Variants in TXNDC16 observed in about 807,000 individuals in gnomAD.
The protein encoded by TXNDC16 is thioredoxin domain-containing protein 16.
In TXNDC16, 74 loss-of-function variants were observed where a neutral mutation model predicts 85.6. That is an observed-to-expected ratio of 0.86 (90% CI 0.72 to 1.05). The LOEUF is 1.05. Ranked by LOEUF, TXNDC16 falls within the 50% of genes least tolerant of loss-of-function variation. The probability of loss-of-function intolerance (pLI) is 0.00; values close to 1 mark genes in which losing one functional copy is unlikely to be tolerated. For synonymous variants in TXNDC16, 335 were observed against 326.5 expected, an observed-to-expected ratio of 1.03 and a Z score of -0.28; for missense variants, 959 against 947.0, an observed-to-expected ratio of 1.01 and a Z score of -0.17.
At chr14:52,530,351 T>C (rs559255512) in intron 6 of TXNDC16, among the ~76,000 whole-genome samples, 1,031 of 37,150 alleles carry the variant, frequency 0.028, 59 homozygotes, top group African/African-American at 0.047. Context: ...TTATATATTA[T>C]AATATAATAT....
chr14:52,487,123 C>T lies in TXNDC16; in HGVS notation c.1108+1240G>A, dbSNP rs576195864. 3.3e-5 allele frequency among the ~76,000 whole-genome samples: 5 copies of T among 152,266 alleles called. 1 individual carries two copies. In the South Asian group the frequency reaches 6.2e-4, roughly 19 times the overall value. On this transcript the variant is annotated intron_variant, in intron 12 of 20. Transcript: ENST00000281741. ...TAAACTGAGACTAGGGACAAGTCCTCTAACTCTGAAGGTTCAAATATAGGA... is the reference window on the plus strand; with the variant it reads ...TAAACTGAGACTAGGGACAAGTCCTTTAACTCTGAAGGTTCAAATATAGGA...
intron 8 of TXNDC16, among the ~76,000 whole-genome samples, chr14:52,514,482 T>C (rs919562424): frequency 6.6e-6 from 1 of 152,182 alleles, no homozygotes; most frequent in East Asian, 1.9e-4. Flanking sequence ...TCAAAAACTG[T>C]ACCTAAATAC....
At chr14:52,503,731 C>T (rs891951647) in intron 9 of TXNDC16, among the ~76,000 whole-genome samples, 1 of 152,214 alleles carries the variant, frequency 6.6e-6, no homozygotes, top group African/African-American at 2.4e-5. Context: ...CAGAGAATGA[C>T]TTTCATGAGT....
chr14:52,467,209 G>C (rs2035797493), intron 16 of TXNDC16, among the ~76,000 whole-genome samples: 1 of 151,270 alleles, frequency 6.6e-6, no homozygotes, highest in South Asian at 2.1e-4. Context: ...TTAACTATTA[G>C]AAAAAAAATT....
intron 7 of TXNDC16, among the ~76,000 whole-genome samples, chr14:52,515,661 T>C (rs889605915): frequency 4.9e-5 from 7 of 143,802 alleles, no homozygotes; most frequent in Non-Finnish European, 9.0e-5. Flanking sequence ...ACTCTTTATT[T>C]CATACATATG....
rs767406312 is a variant in TXNDC16 at position 52,470,059 on chromosome 14, T to C, written c.1596A>G (p.Leu532=). ...ILYSSVSVLG[L]FSPTMKTAKE... ...TACCTGTTTTCATGGTTGGACTAAATAGTCCCAATACTGACACACTAGAAT... is the reference window on the plus strand; with the variant it reads ...TACCTGTTTTCATGGTTGGACTAAACAGTCCCAATACTGACACACTAGAAT... Residue 532 remains leucine (L), a synonymous_variant, in exon 16 of 21, where the codon CTA becomes CTG. Transcript: ENST00000281741. 220 of 1,610,002 alleles carry C rather than the reference T, an allele frequency of 1.4e-4. No individual in the cohort carries two copies. Among genetic ancestry groups the C allele is most frequent in the Non-Finnish European group, 1.8e-4 (208 of 1,178,560 alleles).
chr14:52,482,559 A>G (rs1194274033), intron 13 of TXNDC16, among the ~76,000 whole-genome samples: 2 of 152,136 alleles, frequency 1.3e-5, no homozygotes, highest in African/African-American at 4.8e-5. Flanking sequence ...ATAACTGTTA[A>G]TATGTTAAAA....
At chr14:52,485,669 G>C (rs2036251931) in intron 12 of TXNDC16, among the ~76,000 whole-genome samples, 1 of 152,028 alleles carries the variant, frequency 6.6e-6, no homozygotes, top group Non-Finnish European at 1.5e-5. Context: ...ATCTACCATT[G>C]TGTTATAGGT....
intron 9 of TXNDC16, among the ~76,000 whole-genome samples, chr14:52,508,656 G>A (rs1426683874): frequency 6.6e-6 from 1 of 152,086 alleles, no homozygotes; most frequent in Non-Finnish European, 1.5e-5. Flanking sequence ...GCAAAGACTT[G>A]GAACCAACCC....
At chr14:52,533,903 C>T (rs1216093347) in intron 6 of TXNDC16, among the ~76,000 whole-genome samples, 3 of 152,098 alleles carry the variant, frequency 2.0e-5, no homozygotes, top group African/African-American at 7.2e-5. Context: ...ATGGAGGTAG[C>T]GGGGCTAGGA....
chr14:52,531,221 G>T (rs1422477874), intron 6 of TXNDC16, among the ~76,000 whole-genome samples: 4 of 152,094 alleles, frequency 2.6e-5, no homozygotes, highest in African/African-American at 9.7e-5. Flanking sequence ...TTGCTGGTGG[G>T]AATGCGAAAT....
At chr14:52,491,816 C>A (rs1280743692) in intron 9 of TXNDC16, among the ~76,000 whole-genome samples, 2 of 152,162 alleles carry the variant, frequency 1.3e-5, no homozygotes, top group Non-Finnish European at 1.5e-5. Context: ...AAGAGATAAA[C>A]ACATGGATGT....
At chr14:52,530,009 ATT>A (rs1363373782) in intron 6 of TXNDC16, among the ~76,000 whole-genome samples, 3 of 104,172 alleles carry the variant, frequency 2.9e-5, no homozygotes, top group African/African-American at 4.0e-5. Flanking sequence ...TATAATATAT[ATT>A]ATATATTATA....
chr14:52,459,896 C>T (rs1002450389), intron 16 of TXNDC16, among the ~76,000 whole-genome samples: 4 of 152,210 alleles, frequency 2.6e-5, no homozygotes, highest in Middle Eastern at 3.4e-3. Flanking sequence ...ATACTAGGTA[C>T]TGAAGAAACA....
intron 20 of TXNDC16, among the ~76,000 whole-genome samples, chr14:52,436,616 AAT>A (rs1295192041): frequency 6.6e-6 from 1 of 152,188 alleles, no homozygotes; most frequent in Non-Finnish European, 1.5e-5. Context: ...ATTTAAGCAT[AAT>A]ATGTTTGTTA....
intron 7 of TXNDC16, 140 bp downstream of exon 7, chr14:52,519,032 G>C: frequency 1.1e-6 from 1 of 874,586 alleles, no homozygotes; most frequent in East Asian, 2.8e-5. Context: ...CCCATTTAAA[G>C]AAAAATAGCT....
chr14:52,534,586 C>T (rs1006237), intron 6 of TXNDC16, among the ~76,000 whole-genome samples: 45,931 of 151,902 alleles, frequency 0.3, 7,319 homozygotes, highest in African/African-American at 0.41. Flanking sequence ...AGCACTTACC[C>T]TTTAACATTC....
chr14:52,500,545 C>T (rs1308330953), intron 9 of TXNDC16, among the ~76,000 whole-genome samples: 1 of 152,102 alleles, frequency 6.6e-6, no homozygotes, highest in Non-Finnish European at 1.5e-5. Flanking sequence ...TGTACAACAA[C>T]GTACATCAGC....
At chr14:52,456,681 T>C (rs1180182176) in intron 17 of TXNDC16, among the ~76,000 whole-genome samples, 1 of 152,122 alleles carries the variant, frequency 6.6e-6, no homozygotes, top group Non-Finnish European at 1.5e-5. Flanking sequence ...ACAGATAAGG[T>C]AATTTAAGAA....
Sources: gnomAD v4.1 joint callset for allele counts (sites outside exome capture counted in the v4.1 genomes callset) on GRCh38, gnomAD v4.1.1 for gene constraint, MANE v1.5 for transcripts, NCBI Gene and HGNC (gene_info 2026-07-23, HGNC 2026-07-21) for gene names.